The following PARD3 variants were observed in gnomAD, a reference collection of about 807,000 sequenced individuals.
PARD3 encodes partitioning defective 3 homolog.
Under a neutral mutation model 155.4 loss-of-function variants are expected in PARD3, and 75 were observed. The ratio of observed to expected loss-of-function variants is 0.48; its 90% CI spans 0.40 to 0.58. PARD3 has a LOEUF of 0.58. Ranked by LOEUF, PARD3 falls within the 20% of genes least tolerant of loss-of-function variation. PARD3 has a pLI of 0.00. For missense variants in PARD3, 1,642 were observed against 1,721.7 expected, an observed-to-expected ratio of 0.95 and a Z score of 0.82; for synonymous variants, 576 against 610.5, an observed-to-expected ratio of 0.94 and a Z score of 0.83.
intron 1 of PARD3, among the ~76,000 whole-genome samples, chr10:34,701,031 C>T (rs1341423712): frequency 2.6e-5 from 4 of 151,832 alleles, no homozygotes; most frequent in South Asian, 2.1e-4. Flanking sequence ...AGGTAGACCA[C>T]GTGTTCAAAG....
chr10:34,201,236 G>A (rs1056181513), intron 22 of PARD3, among the ~76,000 whole-genome samples: 2 of 152,140 alleles, frequency 1.3e-5, no homozygotes, highest in African/African-American at 4.8e-5. Flanking sequence ...AACCAAGGCA[G>A]GTTACTGAGC....
At chr10:34,130,666 A>G (rs1947558835) in intron 23 of PARD3, among the ~76,000 whole-genome samples, 1 of 152,194 alleles carries the variant, frequency 6.6e-6, no homozygotes, top group Admixed American at 6.5e-5. Flanking sequence ...GGCACTGAGA[A>G]AGCCATCTGA....
At chr10:34,260,752 T>C (rs1045566205) in intron 22 of PARD3, among the ~76,000 whole-genome samples, 2 of 152,176 alleles carry the variant, frequency 1.3e-5, no homozygotes, top group Non-Finnish European at 2.9e-5. Flanking sequence ...AGGTAAGTAA[T>C]ACTAAGCAAA....
chr10:34,449,280 G>A (rs535687840), intron 5 of PARD3, among the ~76,000 whole-genome samples: 3 of 151,878 alleles, frequency 2.0e-5, no homozygotes, highest in African/African-American at 7.3e-5. Context: ...ACCTCATACT[G>A]TACCCTTTAA....
intron 7 of PARD3, among the ~76,000 whole-genome samples, 170 bp downstream of exon 7, chr10:34,399,160 A>ATCT (rs1843641105): frequency 2.0e-5 from 3 of 152,186 alleles, no homozygotes; most frequent in Non-Finnish European, 4.4e-5. Flanking sequence ...CATCAGGCTA[A>ATCT]GTGCTTTCTG....
At chr10:34,292,665 T>C (rs975825735) in intron 20 of PARD3, among the ~76,000 whole-genome samples, 3 of 152,058 alleles carry the variant, frequency 2.0e-5, no homozygotes, top group Middle Eastern at 3.4e-3. Flanking sequence ...TAGATTTAAA[T>C]AAAATAAATT....
chr10:34,719,507 TAGC>T (rs1250182108), intron 1 of PARD3, among the ~76,000 whole-genome samples: 7 of 152,166 alleles, frequency 4.6e-5, no homozygotes, highest in African/African-American at 1.7e-4. Flanking sequence ...CTAAAATAAA[TAGC>T]AGGTCAACAA....
At chr10:34,139,672 A>G (rs1299270899) in intron 22 of PARD3, among the ~76,000 whole-genome samples, 1 of 152,218 alleles carries the variant, frequency 6.6e-6, no homozygotes, top group African/African-American at 2.4e-5. Context: ...ACAGGCAGCC[A>G]GCAGTGACCA....
At chr10:34,671,374 T>A (rs948497895) in intron 2 of PARD3, among the ~76,000 whole-genome samples, 4 of 152,192 alleles carry the variant, frequency 2.6e-5, no homozygotes, top group African/African-American at 9.7e-5. Flanking sequence ...AGTCAAACTT[T>A]CCCATTAAAT....
intron 20 of PARD3, among the ~76,000 whole-genome samples, chr10:34,287,166 G>A (rs1348384285): frequency 6.6e-6 from 1 of 152,074 alleles, no homozygotes; most frequent in Non-Finnish European, 1.5e-5. Flanking sequence ...ACTTCATCCT[G>A]GAAGTTCTGC....
intron 1 of PARD3, among the ~76,000 whole-genome samples, chr10:34,776,447 A>C (rs1203682398): frequency 6.6e-6 from 1 of 152,040 alleles, no homozygotes; most frequent in Non-Finnish European, 1.5e-5. Context: ...AGATCTAAAC[A>C]CTTCAGGGGC....
At chr10:34,115,226 G>A (rs769934545) in intron 24 of PARD3, among the ~76,000 whole-genome samples, 2 of 152,152 alleles carry the variant, frequency 1.3e-5, no homozygotes, top group Non-Finnish European at 2.9e-5. Flanking sequence ...ACACAGCGTG[G>A]AGGGTGAGGT....
intron 1 of PARD3, among the ~76,000 whole-genome samples, chr10:34,725,515 G>A (rs901217186): frequency 5.9e-5 from 9 of 152,018 alleles, no homozygotes; most frequent in East Asian, 1.9e-4. Context: ...CTAAGTATTC[G>A]TTGCCATTCT....
chr10:34,588,788 G>A (rs893433758), intron 2 of PARD3, among the ~76,000 whole-genome samples: 5 of 152,194 alleles, frequency 3.3e-5, no homozygotes, highest in African/African-American at 1.2e-4. Context: ...GCTATGGTCT[G>A]AGGGCTGGCA....
intron 19 of PARD3, among the ~76,000 whole-genome samples, chr10:34,318,059 T>C (rs762326388): frequency 6.6e-6 from 1 of 152,142 alleles, no homozygotes; most frequent in African/African-American, 2.4e-5. Flanking sequence ...ATAAGTGCAC[T>C]TCTCTGGACT....
intron 2 of PARD3, among the ~76,000 whole-genome samples, chr10:34,555,185 G>A (rs868790940): frequency 2.8e-4 from 43 of 152,194 alleles, no homozygotes; most frequent in Admixed American, 9.8e-4. Context: ...GGGGGATGTT[G>A]TTAATGAGGA....
At chr10:34,686,032 CAT>C (rs2093950457) in intron 2 of PARD3, among the ~76,000 whole-genome samples, 1 of 152,200 alleles carries the variant, frequency 6.6e-6, no homozygotes. Flanking sequence ...ATTAATTTCA[CAT>C]GTTTAGTAAT....
chr10:34,522,343 C>T (rs764305019), intron 2 of PARD3, among the ~76,000 whole-genome samples: 3 of 152,118 alleles, frequency 2.0e-5, no homozygotes, highest in Non-Finnish European at 2.9e-5. Flanking sequence ...GAAAGGAGCA[C>T]GGTTAACACA....
At chr10:34,112,210 C>T (rs1181256992) in intron 24 of PARD3, among the ~76,000 whole-genome samples, 9 of 152,244 alleles carry the variant, frequency 5.9e-5, no homozygotes, top group South Asian at 4.2e-4. Flanking sequence ...ACGGAGAGTC[C>T]GGAAGTCTGT....
Sources: allele counts gnomAD v4.1 joint callset (sites outside exome capture counted in the v4.1 genomes callset), GRCh38; gene constraint gnomAD v4.1.1; transcripts MANE v1.5; gene names NCBI Gene and HGNC (gene_info 2026-07-23, HGNC 2026-07-21).